Variants in NOTCH2NLB observed in about 807,000 individuals in gnomAD.
NOTCH2NLB encodes notch 2 N-terminal like B.
NOTCH2NLB carries 1 observed loss-of-function variant against 14.8 expected under a neutral mutation model. The observed-to-expected ratio is 0.07, with a 90% CI of 0.02 to 0.32. The LOEUF (loss-of-function observed/expected upper bound fraction) is 0.32. NOTCH2NLB is among the 10% of genes least tolerant of loss of function. The probability of loss-of-function intolerance (pLI) is 1.00; values close to 1 mark genes in which losing one functional copy is unlikely to be tolerated. For missense variants in NOTCH2NLB, 11 were observed against 155.0 expected, an observed-to-expected ratio of 0.07 and a Z score of 4.93; for synonymous variants, 6 against 57.5, an observed-to-expected ratio of 0.10 and a Z score of 4.05.
At chr1:148,637,818 C>T (rs1664245259) in intron 2 of NOTCH2NLB, among the ~76,000 whole-genome samples, 1 of 144,824 alleles carries the variant, frequency 6.9e-6, no homozygotes, top group South Asian at 2.2e-4. Context: ...GTTCAACTCC[C>T]ACTTATGAGT....
chr1:148,637,791 G>C (rs1664244552), intron 2 of NOTCH2NLB, among the ~76,000 whole-genome samples: 1 of 132,182 alleles, frequency 7.6e-6, no homozygotes, highest in South Asian at 2.5e-4. Flanking sequence ...CCCTCCCTGT[G>C]TCCATGTGTT....
chr1:148,651,156 A>ATAT (rs1422306675), intron 1 of NOTCH2NLB, among the ~76,000 whole-genome samples: 24 of 80,206 alleles, frequency 3.0e-4, no homozygotes, highest in African/African-American at 1.0e-3. Flanking sequence ...AAAAAAAAAA[A>ATAT]AAAAAAATAT....
intron 1 of NOTCH2NLB, among the ~76,000 whole-genome samples, chr1:148,674,904 C>G (rs1156758468): frequency 7.4e-6 from 1 of 134,674 alleles, no homozygotes. Context: ...TACATATTCT[C>G]TCAATCCAGT....
chr1:148,636,798 T>G (rs1664208854), intron 2 of NOTCH2NLB, among the ~76,000 whole-genome samples: 1 of 130,346 alleles, frequency 7.7e-6, no homozygotes, highest in Non-Finnish European at 1.6e-5. Context: ...TTGCTTTTTC[T>G]TTGTCCACTT....
chr1:148,707,870 A>G, the NOTCH2NLB span, among the ~76,000 whole-genome samples: 1 of 115,546 alleles, frequency 8.7e-6, no homozygotes, highest in Admixed American at 9.2e-5. Context: ...TTCAGCCAGA[A>G]CCTATACCTG....
rs1315788497 is a variant in NOTCH2NLB at position 148,627,648 on chromosome 1, T to C, written c.78-11698A>G. On this transcript the variant is annotated intron_variant, in intron 2 of 4. Transcript: ENST00000593495. ...CAGCCCAAAATGCTTTTCCCCACCT[T>C]CTCATGGCTAAGCCCTAAAATTTCA... Among the ~76,000 whole-genome samples, 9 of 151,888 alleles carry C rather than the reference T, an allele frequency of 5.9e-5. No individual in the cohort carries two copies. The East Asian group carries it at 1.8e-3, about 30-fold the overall frequency.
intron 1 of NOTCH2NLB, among the ~76,000 whole-genome samples, chr1:148,673,622 G>A (rs1271979411): frequency 7.7e-5 from 11 of 143,122 alleles, no homozygotes; most frequent in East Asian, 4.4e-4. Flanking sequence ...ACAGAAGTCC[G>A]AAAATGCTGG....
intron 1 of NOTCH2NLB, among the ~76,000 whole-genome samples, chr1:148,670,537 A>ATATAT (rs1553341879): frequency 1.3e-4 from 11 of 82,886 alleles, no homozygotes; most frequent in African/African-American, 4.3e-4. Flanking sequence ...ACTAAAAAAA[A>ATATAT]AAATATATAT....
intron 1 of NOTCH2NLB, among the ~76,000 whole-genome samples, chr1:148,670,545 T>A (rs1238402092): frequency 4.9e-5 from 5 of 102,438 alleles, no homozygotes; most frequent in East Asian, 9.5e-4. Flanking sequence ...AAAAAATATA[T>A]ATATATACAT....
intron 1 of NOTCH2NLB, among the ~76,000 whole-genome samples, chr1:148,649,672 G>A (rs1233291366): frequency 3.3e-5 from 5 of 151,660 alleles, no homozygotes; most frequent in East Asian, 1.9e-4. Flanking sequence ...CACCACAACC[G>A]GCTAATTTTT....
At chr1:148,670,539 A>AAATATATATATACACAT (rs1445301786) in intron 1 of NOTCH2NLB, among the ~76,000 whole-genome samples, 13 of 93,440 alleles carry the variant, frequency 1.4e-4, no homozygotes, top group African/African-American at 5.6e-4. Context: ...TAAAAAAAAA[A>AAATATATATATACACAT]ATATATATAT....
the NOTCH2NLB span, among the ~76,000 whole-genome samples, chr1:148,707,781 C>CAA: frequency 7.3e-6 from 1 of 136,100 alleles, no homozygotes; most frequent in Non-Finnish European, 1.6e-5. Context: ...GACCCCCTCT[C>CAA]AAAAAAAAAA....
At chr1:148,643,514 CAAAAAAAAAAAAAAAAAAAAAAAAAAAAA>C in intron 1 of NOTCH2NLB, among the ~76,000 whole-genome samples, 1 of 5,384 alleles carries the variant, frequency 1.9e-4, no homozygotes, top group Non-Finnish European at 2.7e-4. Flanking sequence ...GACTCCATCT[CAAAAAAAAAAAAAAAAAAAAAAAAAAAAA>C]AAAAAAAAGC....
rs1429340732 is a variant in NOTCH2NLB at position 148,625,405 on chromosome 1, A to G, written c.78-9455T>C. 2.0e-5 allele frequency among the ~76,000 whole-genome samples: 2 copies of G among 97,686 alleles called. 1 individual carries two copies. Among genetic ancestry groups the G allele is most frequent in the Non-Finnish European group, 3.9e-5 (2 of 50,748 alleles). 64.1% of individuals were successfully genotyped at this position (97,686 alleles called of 152,430 possible). On this transcript the variant is annotated intron_variant, in intron 2 of 4. Transcript: ENST00000593495. ...CAAGAAACAACAACAATAACAACAA[A>G]GCAAAATCCCACCACATACAAGAAG... is the stretch of plus-strand genomic sequence containing the variant.
chr1:148,701,853 A>C, the NOTCH2NLB span, among the ~76,000 whole-genome samples: 1 of 41,366 alleles, frequency 2.4e-5, no homozygotes, highest in Non-Finnish European at 4.9e-5. Flanking sequence ...TTGACTCCTC[A>C]TTTCCCTTTA....
At chr1:148,670,291 G>C (rs1196713262) in intron 1 of NOTCH2NLB, among the ~76,000 whole-genome samples, 1 of 127,490 alleles carries the variant, frequency 7.8e-6, no homozygotes, top group Admixed American at 7.7e-5. Flanking sequence ...TTTCAAACCA[G>C]TAAGAAAATA....
At chr1:148,707,740 C>CCACTG in the NOTCH2NLB span, among the ~76,000 whole-genome samples, 1 of 150,012 alleles carries the variant, frequency 6.7e-6, no homozygotes, top group Admixed American at 6.8e-5. Flanking sequence ...CGAGATCGCA[C>CCACTG]CACTGCACTC....
intron 2 of NOTCH2NLB, among the ~76,000 whole-genome samples, chr1:148,627,577 T>C (rs1664009715): frequency 6.7e-6 from 1 of 148,780 alleles, no homozygotes; most frequent in Non-Finnish European, 1.5e-5. Context: ...GAAAATGCTA[T>C]AGTACACTAC....
chr1:148,656,060 TATA>T (rs1307432914), intron 1 of NOTCH2NLB, among the ~76,000 whole-genome samples: 5 of 95,772 alleles, frequency 5.2e-5, no homozygotes, highest in Admixed American at 3.2e-4. Context: ...CTAAAAAACA[TATA>T]ATAAGCTTTA....
Sources: allele counts gnomAD v4.1 joint callset (sites outside exome capture counted in the v4.1 genomes callset), GRCh38; gene constraint gnomAD v4.1.1; transcripts MANE v1.5; gene names NCBI Gene and HGNC (gene_info 2026-07-23, HGNC 2026-07-21).